Variants in TIFAB observed in about 807,000 individuals in gnomAD.
TIFAB encodes the protein TIFA inhibitor.
For missense variants in TIFAB, 222 were observed against 203.6 expected (o/e 1.09, Z -0.55); for synonymous variants, 116 against 95.2 (o/e 1.22, Z -1.27).
Position 135,449,544 on chromosome 5 carries a change from G to T in TIFAB, c.396C>A (p.Ser132Arg), listed in dbSNP as rs1769329109. ...LEAFVCYFHV[S>R]PSPLIYRPEA... ...CAGGTCTGTAAATCAGGGGTGAAGG[G>T]CTGACATGGAAATAGCAGACAAAAG... The change falls in exon 2 of 2, where the codon AGC (serine) becomes AGA (arginine). Residue 132 changes from serine (S) to arginine (R), a missense_variant. Physicochemically the swap from Ser to Arg is moderately radical, Grantham distance 110. Coordinates refer to ENST00000537858, the MANE Select transcript of TIFAB (RefSeq NM_001099221.2). The T allele has an allele frequency of 6.2e-7, 1 of 1,614,102 alleles. No individual in the cohort carries two copies. Among genetic ancestry groups the T allele is most frequent in the African/African-American group, 1.3e-5 (1 of 74,948 alleles).
Position 135,446,222 on chromosome 5 carries a change from A to C in TIFAB, c.*3232T>G. On this transcript the variant is annotated 3_prime_UTR_variant, in exon 2 of 2. Transcript: ENST00000537858. ...GATTCAGTTACTTGTCCAGGATCACAGAACTATAGTAAGTGGGGGTGGGGA... is the reference window on the plus strand; with the variant it reads ...GATTCAGTTACTTGTCCAGGATCACCGAACTATAGTAAGTGGGGGTGGGGA... 1.1e-6 allele frequency: 1 copy of C among 923,686 alleles called. No individual in the cohort carries two copies. Among genetic ancestry groups the C allele is most frequent in the Non-Finnish European group, 1.6e-6 (1 of 617,012 alleles). 57.2% of individuals were successfully genotyped at this position (923,686 alleles called of 1,614,324 possible).
In TIFAB at chr5:135,449,774, G is replaced by C. The variant is rs183805124; in HGVS notation, c.166C>G (p.Arg56Gly). The C allele has an allele frequency of 3.6e-5, 58 of 1,612,464 alleles. No homozygotes were observed. In the East Asian group the frequency reaches 1.2e-3, roughly 33 times the overall value. ...AGGTAGGGCTCCAGGGACAGGTGAC[G>C]GCGGGAGAGGCGAGGGAGCTGCAGC... ...LQLQLPRLSR[R>G]HLSLEPYLEK... The change falls in exon 2 of 2, where the codon CGT (arginine) becomes GGT (glycine). Residue 56 changes from arginine (R) to glycine (G), a missense_variant. By Grantham distance (125) the Arg-to-Gly change is moderately radical. Coordinates refer to ENST00000537858, the MANE Select transcript of TIFAB (RefSeq NM_001099221.2).
At chr5:135,450,782 T>G (rs1366790950) in intron 1 of TIFAB, 1 of 152,282 alleles carries the variant, frequency 6.6e-6, no homozygotes, top group African/African-American at 2.4e-5. Flanking sequence ...TTGCTCACAT[T>G]ATTTCTCTCC....
intron 1 of TIFAB, among the ~76,000 whole-genome samples, chr5:135,450,242 G>A (rs1192728215): frequency 1.3e-5 from 2 of 152,328 alleles, no homozygotes; most frequent in African/African-American, 2.4e-5. Flanking sequence ...TGCAGGGTGG[G>A]GATTTGGTAA....
chr5:135,449,611 A>T lies in TIFAB; in HGVS notation c.329T>A (p.Ile110Asn), dbSNP rs372647765. The T allele has an allele frequency of 1.9e-6, 3 of 1,614,082 alleles. No homozygotes were observed. The African/African-American group carries it at 4.0e-5, about 22-fold the overall frequency. Residue 110 changes from isoleucine (I) to asparagine (N), a missense_variant, in exon 2 of 2, where the codon ATC becomes AAC. Physicochemically the swap from Ile to Asn is moderately radical, Grantham distance 149. Coordinates refer to ENST00000537858, the MANE Select transcript of TIFAB (RefSeq NM_001099221.2). ...TTCTTCTACGCGAACCAGCATCTGG[A>T]TGCCTGAGAAGGAGACCCTGTTGAC... is the stretch of plus-strand genomic sequence containing the variant. ...STVNRVSFSG[I>N]QMLVRVEEGT...
At chr5:135,450,079 G>T in intron 1 of TIFAB, 130 bp from the exon 2 acceptor site, 1 of 1,267,882 alleles carries the variant, frequency 7.9e-7, no homozygotes, top group Non-Finnish European at 1.1e-6. Context: ...CCCAAGCCAG[G>T]ATGGAGCCAA....
At position 135,446,370 on chromosome 5, in the gene TIFAB, A is replaced by T; in HGVS notation, c.*3084T>A. On this transcript the variant is annotated 3_prime_UTR_variant, in exon 2 of 2. Coordinates refer to ENST00000537858, the MANE Select transcript of TIFAB (RefSeq NM_001099221.2). ...TACTTGCGTGTGTGCACACGCACAC[A>T]TGTTCACTCAGGCACGTGGGCTGCC... is the stretch of plus-strand genomic sequence containing the variant. The T allele has an allele frequency of 6.3e-7, 1 of 1,594,444 alleles. No homozygotes were observed. Among genetic ancestry groups the T allele is most frequent in the Non-Finnish European group, 8.6e-7 (1 of 1,167,788 alleles).
At position 135,446,371 on chromosome 5, in the gene TIFAB, T is replaced by A; in HGVS notation, c.*3083A>T. The A allele has an allele frequency of 6.3e-7, 1 of 1,594,888 alleles. No individual in the cohort carries two copies. On this transcript the variant is annotated 3_prime_UTR_variant, in exon 2 of 2. Coordinates refer to ENST00000537858, the MANE Select transcript of TIFAB (RefSeq NM_001099221.2). ...ACTTGCGTGTGTGCACACGCACACATGTTCACTCAGGCACGTGGGCTGCCC... is the reference window on the plus strand; with the variant it reads ...ACTTGCGTGTGTGCACACGCACACAAGTTCACTCAGGCACGTGGGCTGCCC...
At position 135,447,402 on chromosome 5, in the gene TIFAB, C is replaced by T. The variant is rs527472828; in HGVS notation, c.*2052G>A. 6.3e-6 allele frequency: 3 copies of T among 474,484 alleles called. No individual in the cohort carries two copies. Among genetic ancestry groups the T allele is most frequent in the African/African-American group, 5.9e-5 (3 of 50,658 alleles). The allele number at this position is 474,484 out of a possible 1,614,324, so 29.4% of individuals were successfully genotyped here. ...CTTAGCTCCGTGTGGATGGTGAGCC[C>T]TCCTCTCTCAGGTCTCATGATAGTA... On this transcript the variant is annotated 3_prime_UTR_variant, in exon 2 of 2. Coordinates refer to ENST00000537858, the MANE Select transcript of TIFAB (RefSeq NM_001099221.2).
At position 135,449,902 on chromosome 5, in the gene TIFAB, T is replaced by C. The variant is rs760374386; in HGVS notation, c.38A>G (p.Tyr13Cys). Residue 13 changes from tyrosine (Y) to cysteine (C), a missense_variant, in exon 2 of 2, where the codon TAC (tyrosine) becomes TGC (cysteine). Coordinates refer to ENST00000537858, the MANE Select transcript of TIFAB (RefSeq NM_001099221.2). ...GGCAGATGGGCCCAGCGTGGGATGGTACAGGCTCACTCGCAGGACGGTGAG... is the reference window on the plus strand; with the variant it reads ...GGCAGATGGGCCCAGCGTGGGATGGCACAGGCTCACTCGCAGGACGGTGAG... The part of the protein sequence containing the change: ...KPLTVLRVSL[Y>C]HPTLGPSAFA... The C allele has an allele frequency of 2.6e-6, 4 of 1,537,528 alleles. No homozygotes were observed. Among genetic ancestry groups the C allele is most frequent in the Non-Finnish European group, 3.5e-6 (4 of 1,141,648 alleles).
chr5:135,447,824 C>T lies in TIFAB; in HGVS notation c.*1630G>A, dbSNP rs1180479553. ...CAAATAAGTAATGCACTCCTGAATG[C>T]TTGACTTTCCTGAGTGCAAGGTAAA... On this transcript the variant is annotated 3_prime_UTR_variant, in exon 2 of 2. Transcript: ENST00000537858. The T allele has an allele frequency of 1.3e-5, 2 of 152,278 alleles. No homozygotes were observed. The highest frequency in any genetic ancestry group is 2.9e-5 in the Non-Finnish European group (2 of 68,092). The allele number at this position is 152,278 out of a possible 1,614,324, so 9.4% of individuals were successfully genotyped here. A position where few individuals can be genotyped will look rare whatever the true frequency, so the allele number is the denominator to read the frequency against.
chr5:135,452,141 C>A (rs1769371496), intron 1 of TIFAB, 68 bp downstream of exon 1: 1 of 152,202 alleles, frequency 6.6e-6, no homozygotes, highest in Admixed American at 6.5e-5. Flanking sequence ...CTCAGGGGAG[C>A]CCTCCTCCCA....
rs954109373 is a variant in TIFAB, at chr5:135,445,881, C to A, written c.*3573G>T. The A allele has an allele frequency of 6.5e-6, 1 of 152,952 alleles. No individual in the cohort carries two copies. The highest frequency in any genetic ancestry group is 2.4e-5 in the African/African-American group (1 of 41,446). 9.5% of individuals were successfully genotyped at this position (152,952 alleles called of 1,614,324 possible). A position where few individuals can be genotyped will look rare whatever the true frequency, so the allele number is the denominator to read the frequency against. On this transcript the variant is annotated 3_prime_UTR_variant, in exon 2 of 2. Coordinates refer to ENST00000537858, the MANE Select transcript of TIFAB (RefSeq NM_001099221.2). ...ACATTCTTGGAAAAGCAGAGGAATG[C>A]GAGGGTTAAAATACCTTAAAGGGCA...
rs1769262205 is a variant in TIFAB at position 135,446,398 on chromosome 5, G to A, written c.*3056C>T. 1 of 1,607,386 alleles carries A rather than the reference G, an allele frequency of 6.2e-7. No individual in the cohort carries two copies. The highest frequency in any genetic ancestry group is 2.2e-5 in the East Asian group (1 of 44,676). On this transcript the variant is annotated 3_prime_UTR_variant, in exon 2 of 2. Coordinates refer to ENST00000537858, the MANE Select transcript of TIFAB (RefSeq NM_001099221.2). ...TTCACTCAGGCACGTGGGCTGCCCT[G>A]CGGTGGGAGCTGAGAGAATGCAGTG...
chr5:135,451,520 G>A (rs1266733433), intron 1 of TIFAB, among the ~76,000 whole-genome samples: 1 of 144,450 alleles, frequency 6.9e-6, no homozygotes, highest in East Asian at 2.0e-4. Context: ...GTCTCACACT[G>A]TCACCCAGGC....
In TIFAB at chr5:135,447,127, G is replaced by T. The variant is rs371513289; in HGVS notation, c.*2327C>A. The T allele has an allele frequency of 1.2e-6, 2 of 1,613,928 alleles. No homozygotes were observed. Reference sequence around the variant, plus strand: ...AATGCATAGTTGGGGGACCATTTTGGTCAGTGACAGATCACTGCTGCTTTT... The same window carrying T: ...AATGCATAGTTGGGGGACCATTTTGTTCAGTGACAGATCACTGCTGCTTTT... On this transcript the variant is annotated 3_prime_UTR_variant, in exon 2 of 2. Transcript: ENST00000537858.
In TIFAB at chr5:135,449,502, G is replaced by A. The variant is rs377099358; in HGVS notation, c.438C>T (p.Asp146=). The part of the protein sequence containing the change: ...LIYRPEAEET[D]EWEGISQGQP... Reference sequence around the variant, plus strand: ...GCCCCTGGGAGATGCCTTCCCATTCGTCAGTTTCCTCAGCCTCAGGTCTGT... The same window carrying A: ...GCCCCTGGGAGATGCCTTCCCATTCATCAGTTTCCTCAGCCTCAGGTCTGT... Residue 146 remains aspartate, a synonymous_variant, in exon 2 of 2, where the codon GAC becomes GAT. Transcript: ENST00000537858. 51 of 1,614,082 alleles carry A rather than the reference G, an allele frequency of 3.2e-5. No individual in the cohort carries two copies. Among genetic ancestry groups the A allele is most frequent in the East Asian group, 1.6e-4 (7 of 44,890 alleles).
chr5:135,450,548 C>G (rs893203774), intron 1 of TIFAB: 1 of 152,276 alleles, frequency 6.6e-6, no homozygotes. Flanking sequence ...TGCCTAGAAA[C>G]CCTGGTGAAG....
In TIFAB at chr5:135,448,910, G is replaced by T. The variant is rs1769318290; in HGVS notation, c.*544C>A. 1 of 160,378 alleles carries T rather than the reference G, an allele frequency of 6.2e-6. No homozygotes were observed. The allele number at this position is 160,378 out of a possible 1,614,324, so 9.9% of individuals were successfully genotyped here. On this transcript the variant is annotated 3_prime_UTR_variant, in exon 2 of 2. Transcript: ENST00000537858. ...GTTTATTACACTCAGGCTTTCCTAAGCCCCGCGTGCCTGTGGGTATTTGAA... is the reference window on the plus strand; with the variant it reads ...GTTTATTACACTCAGGCTTTCCTAATCCCCGCGTGCCTGTGGGTATTTGAA...
Sources: allele counts gnomAD v4.1 joint callset (sites outside exome capture counted in the v4.1 genomes callset), GRCh38; gene constraint gnomAD v4.1.1; transcripts MANE v1.5; gene names NCBI Gene and HGNC (gene_info 2026-07-23, HGNC 2026-07-21).